TTN: variants seen among roughly 807,000 people sequenced by gnomAD.
TTN encodes connectin.
TTN carries 1,525 observed loss-of-function variants against 3,223.0 expected under a neutral mutation model. The observed-to-expected ratio is 0.47, with a 90% CI of 0.45 to 0.49. The LOEUF (loss-of-function observed/expected upper bound fraction) is 0.49. Ranked by LOEUF, TTN falls within the 20% of genes least tolerant of loss-of-function variation. The pLI is 0.00. For missense variants in TTN, 40,786 were observed against 43,424.0 expected, an observed-to-expected ratio of 0.94 and a Z score of 5.40; for synonymous variants, 14,094 against 15,161.0, an observed-to-expected ratio of 0.93 and a Z score of 5.17.
intron 41 of TTN, 62 bp downstream of exon 41, chr2:178,766,319 C>T (rs1250485987): frequency 2.3e-6 from 3 of 1,329,214 alleles, no homozygotes; most frequent in Non-Finnish European, 3.3e-6. Flanking sequence ...AATTTAGTGA[C>T]TTAAACAGGA....
At position 178,543,617 on chromosome 2, in the gene TTN, CTT is replaced by C; in HGVS notation, c.96354_96355del (p.Asp32120PhefsTer12). 6.2e-7 allele frequency: 1 copy of C among 1,602,704 alleles called. No individual in the cohort carries two copies. The highest frequency in any genetic ancestry group is 8.5e-7 in the Non-Finnish European group (1 of 1,178,706). ...TTCCCAAGTTATAGTCACAGAATCT[CTT>C]GATACTTCCTTAACTTTCACTGAAG... On this transcript the variant is annotated frameshift_variant, in exon 347 of 363. Transcript: ENST00000589042. LOFTEE classifies it high-confidence loss of function.
rs1184900499 is a variant in TTN at position 178,800,421 on chromosome 2, G to C, written c.557C>G (p.Thr186Ser). ...VNATNSVGRA[T>S]STAELLVQGE... ...TTGAACCAGTAATTCAGCAGTCGAA[G>C]TAGCTCTTCCAACGCTATTGGTGGC... The change falls in exon 4 of 363, where the codon ACT becomes AGT. Residue 186 changes from threonine to serine, a missense_variant. Transcript: ENST00000589042. 17 of 1,614,156 alleles carry C rather than the reference G, an allele frequency of 1.1e-5. No homozygotes were observed. Among genetic ancestry groups the C allele is most frequent in the Non-Finnish European group, 1.4e-5 (17 of 1,180,002 alleles).
rs2056308510 is a variant in TTN, at chr2:178,611,437, A to T, written c.50792T>A (p.Val16931Asp). The change falls in exon 269 of 363, where the codon GTC becomes GAC. Residue 16931 changes from valine (V) to aspartate (D), a missense_variant. Coordinates refer to ENST00000589042, the MANE Select transcript of TTN (RefSeq NM_001267550.2). Reference sequence around the variant, plus strand: ...TGGCTCGCTGACACCAATAGCATTGACTGCTCTCACTCTCAGGACATATTC... The same window carrying T: ...TGGCTCGCTGACACCAATAGCATTGTCTGCTCTCACTCTCAGGACATATTC... ...DKEYVLRVRA[V>D]NAIGVSEPSE... 2.5e-6 allele frequency: 4 copies of T among 1,612,826 alleles called. No individual in the cohort carries two copies. The highest frequency in any genetic ancestry group is 3.3e-5 in the Admixed American group (2 of 59,930).
chr2:178,573,974 A>T lies in TTN; in HGVS notation c.72158T>A (p.Val24053Asp). 6.2e-7 allele frequency: 1 copy of T among 1,613,306 alleles called. No individual in the cohort carries two copies. The highest frequency in any genetic ancestry group is 8.5e-7 in the Non-Finnish European group (1 of 1,179,580). The change falls in exon 326 of 363, where the codon GTT becomes GAT. Residue 24053 changes from valine (V) to aspartate (D), a missense_variant. Transcript: ENST00000589042. ...AGEAFRLEAD[V>D]SGRPPPTMEW... ...CATTGTTGGAGGTGGGCGGCCTGAA[A>T]CATCAGCTTCCAGTCTGAATGCTTC... is the stretch of plus-strand genomic sequence containing the variant.
At position 178,710,837 on chromosome 2, in the gene TTN, GACGTGGCACTCAA is replaced by G. The variant is rs2076548119; in HGVS notation, c.28247_28259del (p.Phe9416SerfsTer7). The G allele has an allele frequency of 6.2e-7, 1 of 1,613,744 alleles. No homozygotes were observed. The highest frequency in any genetic ancestry group is 1.3e-5 in the African/African-American group (1 of 74,914). ...TGACCTTTATCGGTTGTGTGCCCGT[GACGTGGCACTCAA>G]AGTCAGCACTTTCTCCCACCACAGC... On this transcript the variant is annotated frameshift_variant, in exon 98 of 363. Transcript: ENST00000589042. LOFTEE classifies it high-confidence loss of function.
In TTN at chr2:178,618,313, C is replaced by G. The variant is rs553017488; in HGVS notation, c.47145G>C (p.Glu15715Asp). ...CTTTCTGTAGACCAGTGACAGTAAA[C>G]TCACAACTCTCTGCACGGTCTGTGG... ...VLATDRAESC[E>D]FTVTGLQKGG... The change falls in exon 252 of 363, where the codon GAG (glutamate) becomes GAC (aspartate). Residue 15715 changes from glutamate to aspartate, a missense_variant. Transcript: ENST00000589042. 26 of 1,612,674 alleles carry G rather than the reference C, an allele frequency of 1.6e-5. No homozygotes were observed. Among genetic ancestry groups the G allele is most frequent in the Non-Finnish European group, 2.1e-5 (25 of 1,179,136 alleles).
rs760653342 is a variant in TTN, at chr2:178,799,493, G to A, written c.908C>T (p.Pro303Leu). ...CTCTCTATGGCAGCTTTACCTGACC[G>A]GAGATGGGGTCGGTGCCCGCACGTG... ...VRHVRAPTPS[P>L]VRSVSPAARI... The change falls in exon 6 of 363, where the codon CCG (proline) becomes CTG (leucine). Residue 303 changes from proline (P) to leucine (L), a missense_variant. By Grantham distance (98) the Pro-to-Leu change is moderately conservative. Coordinates refer to ENST00000589042, the MANE Select transcript of TTN (RefSeq NM_001267550.2). The A allele has an allele frequency of 3.2e-5, 51 of 1,613,994 alleles. No individual in the cohort carries two copies. The Middle Eastern group carries it at 6.6e-4, about 21-fold the overall frequency.
chr2:178,748,913 GA>G, intron 47 of TTN: 2 of 1,612,372 alleles, frequency 1.2e-6, no homozygotes, highest in East Asian at 2.2e-5. Flanking sequence ...TTGCTTTAAT[GA>G]AAAGGCTTTG....
Position 178,792,091 on chromosome 2 carries a change from T to C in TTN, c.1643A>G (p.Lys548Arg). 2 of 1,612,680 alleles carry C rather than the reference T, an allele frequency of 1.2e-6. No homozygotes were observed. The highest frequency in any genetic ancestry group is 1.7e-6 in the Non-Finnish European group (2 of 1,179,356). ...ACTTACTGCTTCTTGAGTTACTTGT[T>C]TCTGTTTCTTAGTAATTTCTTCAGA... is the stretch of plus-strand genomic sequence containing the variant. ...RISEEITKKQ[K>R]QVTQEAIRQE... Residue 548 changes from lysine (K) to arginine (R), a missense_variant, in exon 10 of 363, where the codon AAA (lysine) becomes AGA (arginine). By Grantham distance (26) the Lys-to-Arg change is conservative. Transcript: ENST00000589042.
At position 178,757,909 on chromosome 2, in the gene TTN, G is replaced by C. The variant is rs772305595; in HGVS notation, c.10311C>G (p.Ser3437Arg). The C allele has an allele frequency of 6.6e-7, 1 of 1,516,594 alleles. No individual in the cohort carries two copies. The highest frequency in any genetic ancestry group is 8.8e-7 in the Non-Finnish European group (1 of 1,134,164). The allele number at this position is 1,516,594 out of a possible 1,614,324, so 93.9% of individuals were successfully genotyped here. A position where few individuals can be genotyped will look rare whatever the true frequency, so the allele number is the denominator to read the frequency against. The stretch of plus-strand genomic sequence containing the variant: ...AGTTTGATGTATTTTCTTCAAATTT[G>C]CTAAATCCTGAAAAGAAGCATACCA... ...STANLSLEGFSKFEENTSNSQ... is the reference protein window; with the variant it reads ...STANLSLEGFRKFEENTSNSQ... The change falls in exon 45 of 363, where the codon AGC becomes AGG. Residue 3437 changes from serine (S) to arginine (R), a missense_variant. Transcript: ENST00000589042.
At chr2:178,580,685 C>G in intron 316 of TTN, 76 bp from the exon 317 acceptor site, 1 of 1,338,792 alleles carries the variant, frequency 7.5e-7, no homozygotes, top group Non-Finnish European at 1.0e-6. Flanking sequence ...CCTTGTCACT[C>G]CTAAAATACA....
In TTN at chr2:178,704,737, A is replaced by C; in HGVS notation, c.29735T>G (p.Leu9912Trp). 6.2e-7 allele frequency: 1 copy of C among 1,610,770 alleles called. No individual in the cohort carries two copies. Among genetic ancestry groups the C allele is most frequent in the Non-Finnish European group, 8.5e-7 (1 of 1,179,540 alleles). The change falls in exon 105 of 363, where the codon TTG becomes TGG. Residue 9912 changes from leucine (L) to tryptophan (W), a missense_variant. Leu to Trp is a moderately conservative substitution (Grantham distance 61, BLOSUM62 -2). Transcript: ENST00000589042. ...LIKDIENQTVLKDNDAVFEID... is the reference protein window; with the variant it reads ...LIKDIENQTVWKDNDAVFEID... ...TTCAAAGACAGCATCATTATCTTTC[A>C]AAACTGTCTGATTTTCAATGTCCTT...
At chr2:178,699,360 T>G (rs1332879302) in intron 111 of TTN, among the ~76,000 whole-genome samples, 1 of 149,208 alleles carries the variant, frequency 6.7e-6, no homozygotes, top group Non-Finnish European at 1.5e-5. Flanking sequence ...TATGGCCTTT[T>G]GTATTCATGA....
chr2:178,692,042 T>TTAG lies in TTN; in HGVS notation c.31733_31735dup (p.Pro10578_Lys10579insThr). 6.2e-7 allele frequency: 1 copy of TTAG among 1,613,190 alleles called. No individual in the cohort carries two copies. Among genetic ancestry groups the TTAG allele is most frequent in the Non-Finnish European group, 8.5e-7 (1 of 1,179,342 alleles). Reference sequence around the variant, plus strand: ...TTTTGGGGGAGCAGCAGGTTCCTTCTTAGGCACAGGAACTGGCTTTTTCTC... The same window carrying TTAG: ...TTTTGGGGGAGCAGCAGGTTCCTTCTTAGTAGGCACAGGAACTGGCTTTTTCTC... On this transcript the variant is annotated inframe_insertion, in exon 121 of 363. Coordinates refer to ENST00000589042, the MANE Select transcript of TTN (RefSeq NM_001267550.2).
intron 208 of TTN, among the ~76,000 whole-genome samples, 187 bp downstream of exon 208, chr2:178,651,056 A>G (rs776272214): frequency 6.6e-6 from 1 of 152,148 alleles, no homozygotes; most frequent in African/African-American, 2.4e-5. Context: ...AATGCTTGTA[A>G]TAAGTAAATA....
chr2:178,670,644 A>G (rs990396241), intron 156 of TTN, among the ~76,000 whole-genome samples: 1 of 151,934 alleles, frequency 6.6e-6, no homozygotes, highest in Non-Finnish European at 1.5e-5. Flanking sequence ...AGTTTATATT[A>G]TTTATTAGAT....
intron 53 of TTN, 28 bp from the exon 54 acceptor site, chr2:178,733,545 C>T: frequency 6.2e-7 from 1 of 1,600,112 alleles, no homozygotes. Context: ...AGTTAGCACC[C>T]TAAATGCTTG....
chr2:178,775,318 C>T (rs2092097930), intron 28 of TTN, 38 bp downstream of exon 28: 1 of 1,612,890 alleles, frequency 6.2e-7, no homozygotes, highest in Non-Finnish European at 8.5e-7. Flanking sequence ...TTCTTGAATA[C>T]AAAGACAGGT....
At position 178,724,251 on chromosome 2, in the gene TTN, A is replaced by C. The variant is rs759908676; in HGVS notation, c.21115+9T>G. ...GCATAAGCAACCAGAAGAAAACAGC[A>C]GAACTAACCTGAAACATCAACCACA... On this transcript the variant is annotated intron_variant, in intron 72 of 362. Coordinates refer to ENST00000589042, the MANE Select transcript of TTN (RefSeq NM_001267550.2). 1.9e-6 allele frequency: 3 copies of C among 1,606,768 alleles called. No homozygotes were observed. The South Asian group carries it at 3.3e-5, about 18-fold the overall frequency.
Sources: gnomAD v4.1 joint callset for allele counts (sites outside exome capture counted in the v4.1 genomes callset) on GRCh38, gnomAD v4.1.1 for gene constraint, MANE v1.5 for transcripts, NCBI Gene and HGNC (gene_info 2026-07-23, HGNC 2026-07-21) for gene names.